ENOX1: variants seen among roughly 807,000 people sequenced by gnomAD.
ENOX1 encodes ecto-NOX disulfide-thiol exchanger 1.
A neutral mutation model predicts 82.5 loss-of-function variants in ENOX1; 42 were observed. The ratio of observed to expected loss-of-function variants is 0.51; its 90% CI spans 0.40 to 0.66. ENOX1 has a LOEUF of 0.66. Among genes scored for constraint, ENOX1 ranks in the 30% least tolerant of loss-of-function variants. The probability of loss-of-function intolerance (pLI) is 0.00; values close to 1 mark genes in which losing one functional copy is unlikely to be tolerated. For synonymous variants in ENOX1, 271 were observed against 282.2 expected (o/e 0.96, Z 0.40); for missense variants, 608 against 811.6 (o/e 0.75, Z 3.05).
chr13:43,610,980 T>C (rs898841174), intron 2 of ENOX1, among the ~76,000 whole-genome samples: 2 of 152,170 alleles, frequency 1.3e-5, no homozygotes, highest in African/African-American at 2.4e-5. Flanking sequence ...AAATATTCAA[T>C]AGAGAGAGTT....
At chr13:43,279,663 A>G (rs2045263270) in intron 12 of ENOX1, among the ~76,000 whole-genome samples, 1 of 152,242 alleles carries the variant, frequency 6.6e-6, no homozygotes, top group African/African-American at 2.4e-5. Flanking sequence ...TGTGTTAAGT[A>G]TGTGATGCTC....
intron 5 of ENOX1, among the ~76,000 whole-genome samples, chr13:43,401,738 C>T (rs1375841799): frequency 6.6e-6 from 1 of 152,142 alleles, no homozygotes; most frequent in Non-Finnish European, 1.5e-5. Context: ...GAAGCAACCT[C>T]GCAATATGCC....
chr13:43,333,676 G>A (rs915576669), intron 9 of ENOX1, among the ~76,000 whole-genome samples: 2 of 152,240 alleles, frequency 1.3e-5, no homozygotes, highest in African/African-American at 2.4e-5. Context: ...AGCCTGAAGT[G>A]CAGCGGCATG....
rs1423158343 is a variant in ENOX1 at position 43,616,148 on chromosome 13, A to ATAGATC, written c.-219+51330_-219+51331insGATCTA. On this transcript the variant is annotated intron_variant, in intron 2 of 16. Coordinates refer to ENST00000690772, the MANE Select transcript of ENOX1 (RefSeq NM_001347969.2). Reference sequence around the variant, plus strand: ...TAGATATCTATCTATCTAGATATCTATATAGATAGATATCTATCTATCTAT... The same window carrying ATAGATC: ...TAGATATCTATCTATCTAGATATCTATAGATCTATAGATAGATATCTATCTATCTAT... Among the ~76,000 whole-genome samples, 11 of 49,434 alleles carry ATAGATC rather than the reference A, an allele frequency of 2.2e-4. 1 individual carries two copies. The highest frequency in any genetic ancestry group is 6.7e-4 in the African/African-American group (10 of 14,916). 32.4% of individuals were successfully genotyped at this position (49,434 alleles called of 152,430 possible). A position where few individuals can be genotyped will look rare whatever the true frequency, so the allele number is the denominator to read the frequency against.
chr13:43,355,862 G>A (rs1179775140), intron 8 of ENOX1, 57 bp downstream of exon 8: 2 of 1,519,390 alleles, frequency 1.3e-6, no homozygotes, highest in African/African-American at 1.4e-5. Flanking sequence ...AAACGCACAG[G>A]GTTCCGTGTC....
At chr13:43,704,828 C>G (rs1238190073) in intron 1 of ENOX1, among the ~76,000 whole-genome samples, 2 of 152,158 alleles carry the variant, frequency 1.3e-5, no homozygotes, top group African/African-American at 4.8e-5. Flanking sequence ...TAATTATTAT[C>G]TTGAATTTGC....
chr13:43,653,828 C>A (rs1439583571), intron 2 of ENOX1, among the ~76,000 whole-genome samples: 1 of 152,086 alleles, frequency 6.6e-6, no homozygotes, highest in Non-Finnish European at 1.5e-5. Context: ...AAGGTGCTAA[C>A]ATGGCCCAGC....
intron 16 of ENOX1, 110 bp from the exon 17 acceptor site, chr13:43,214,231 A>G: frequency 8.9e-7 from 1 of 1,119,932 alleles, no homozygotes; most frequent in Non-Finnish European, 1.3e-6. Context: ...TTAGTTTTCT[A>G]CTGGGCTGTC....
chr13:43,362,156 TACACACAC>T (rs10531058), intron 5 of ENOX1, among the ~76,000 whole-genome samples: 11,066 of 145,748 alleles, frequency 0.076, 460 homozygotes, highest in South Asian at 0.15. Context: ...TGCCCTGTAT[TACACACAC>T]ACACACACAC....
intron 14 of ENOX1, among the ~76,000 whole-genome samples, chr13:43,251,783 C>A (rs1262060517): frequency 1.3e-5 from 2 of 152,126 alleles, no homozygotes; most frequent in South Asian, 2.1e-4. Context: ...CTGACTCAAG[C>A]CATTTATTCA....
chr13:43,599,694 G>T (rs1436390545), intron 2 of ENOX1, among the ~76,000 whole-genome samples: 1 of 151,708 alleles, frequency 6.6e-6, no homozygotes, highest in East Asian at 2.0e-4. Flanking sequence ...ACCAGCCAGG[G>T]CAGCCAAAGG....
chr13:43,577,074 A>T (rs1417976428), intron 2 of ENOX1, among the ~76,000 whole-genome samples: 2 of 152,202 alleles, frequency 1.3e-5, no homozygotes, highest in African/African-American at 4.8e-5. Flanking sequence ...GAGAGAAGGG[A>T]ATAAGTAGTA....
At chr13:43,343,023 C>T (rs1435818367) in intron 9 of ENOX1, among the ~76,000 whole-genome samples, 1 of 152,176 alleles carries the variant, frequency 6.6e-6, no homozygotes, top group African/African-American at 2.4e-5. Context: ...CTTCCTTGCT[C>T]ATTAGGACTA....
intron 2 of ENOX1, among the ~76,000 whole-genome samples, chr13:43,644,696 T>C (rs2083813204): frequency 6.6e-6 from 1 of 152,228 alleles, no homozygotes; most frequent in Admixed American, 6.5e-5. Context: ...AATCATTATA[T>C]ACAATTTACA....
Position 43,298,394 on chromosome 13 carries a change from C to T in ENOX1, c.1398G>A (p.Lys466=), listed in dbSNP as rs1463399410. Residue 466 remains lysine (K), a synonymous_variant, in exon 12 of 17, where the codon AAG becomes AAA. Coordinates refer to ENST00000690772, the MANE Select transcript of ENOX1 (RefSeq NM_001347969.2). ...QLFRTEENLT[K]DQQLQFLQQT... Reference sequence around the variant, plus strand: ...GCTGCAGAAACTGCAGTTGCTGGTCCTTGGTGAGGTTTTCTTCTGTTCGGA... The same window carrying T: ...GCTGCAGAAACTGCAGTTGCTGGTCTTTGGTGAGGTTTTCTTCTGTTCGGA... 6.2e-7 allele frequency: 1 copy of T among 1,613,126 alleles called. No homozygotes were observed. The highest frequency in any genetic ancestry group is 8.5e-7 in the Non-Finnish European group (1 of 1,179,796).
chr13:43,617,060 A>T (rs1408448075), intron 2 of ENOX1, among the ~76,000 whole-genome samples: 2 of 152,208 alleles, frequency 1.3e-5, no homozygotes, highest in Admixed American at 1.3e-4. Context: ...GAGTGTATGT[A>T]TGAACATATA....
chr13:43,742,037 A>T (rs1394136174), intron 1 of ENOX1, among the ~76,000 whole-genome samples: 1 of 152,236 alleles, frequency 6.6e-6, no homozygotes, highest in African/African-American at 2.4e-5. Flanking sequence ...TTATAAAACT[A>T]AATTACATTT....
intron 12 of ENOX1, among the ~76,000 whole-genome samples, chr13:43,293,779 C>T (rs2046141789): frequency 6.6e-6 from 1 of 152,156 alleles, no homozygotes; most frequent in Non-Finnish European, 1.5e-5. Context: ...AGCAGATATT[C>T]CAAAGTCTGA....
At chr13:43,463,563 A>G (rs1245277214) in intron 3 of ENOX1, among the ~76,000 whole-genome samples, 2 of 152,208 alleles carry the variant, frequency 1.3e-5, no homozygotes, top group African/African-American at 4.8e-5. Flanking sequence ...CTTTACTGAC[A>G]ACTACTTCAA....
Sources: gnomAD v4.1 joint callset for allele counts (sites outside exome capture counted in the v4.1 genomes callset) on GRCh38, gnomAD v4.1.1 for gene constraint, MANE v1.5 for transcripts, NCBI Gene and HGNC (gene_info 2026-07-23, HGNC 2026-07-21) for gene names.